CEBPZ: variants seen among roughly 807,000 people sequenced by gnomAD.
CEBPZ encodes the protein CCAAT/enhancer-binding protein zeta.
In CEBPZ, 78 loss-of-function variants were observed where a neutral mutation model predicts 104.5. That is an observed-to-expected ratio of 0.75 (90% CI 0.62 to 0.90). CEBPZ has a LOEUF of 0.90. Among genes scored for constraint, CEBPZ ranks in the 40% least tolerant of loss-of-function variants. The pLI is 0.00. For missense variants in CEBPZ, 1,439 were observed against 1,233.5 expected, an observed-to-expected ratio of 1.17 and a Z score of -2.50; for synonymous variants, 470 against 427.0, an observed-to-expected ratio of 1.10 and a Z score of -1.24.
intron 1 of CEBPZ, 94 bp from the exon 2 acceptor site, chr2:37,229,130 C>A: frequency 8.8e-7 from 1 of 1,138,858 alleles, no homozygotes; most frequent in South Asian, 2.6e-5. Flanking sequence ...AAAATAATTT[C>A]GGAACTGGAA....
chr2:37,211,941 A>C lies in CEBPZ; in HGVS notation c.2702T>G (p.Val901Gly). The change falls in exon 12 of 16, where the codon GTT becomes GGT. Residue 901 changes from valine (V) to glycine (G), a missense_variant. Val to Gly is a moderately radical substitution (Grantham distance 109, BLOSUM62 -3). Coordinates refer to ENST00000234170, the MANE Select transcript of CEBPZ (RefSeq NM_005760.3). Reference protein sequence around the residue: ...DELGNLDDDEVSLGSMDDEEF... With the variant: ...DELGNLDDDEGSLGSMDDEEF... ...TTCATCATCCATACTTCCTAAAGAA[A>C]CTTCATCGTCATCCAGGTTACCAAG... 1 of 1,613,798 alleles carries C rather than the reference A, an allele frequency of 6.2e-7. No individual in the cohort carries two copies. Among genetic ancestry groups the C allele is most frequent in the Non-Finnish European group, 8.5e-7 (1 of 1,179,862 alleles).
intron 13 of CEBPZ, chr2:37,210,275 G>C (rs1677679143): frequency 6.6e-6 from 1 of 151,872 alleles, no homozygotes; most frequent in Non-Finnish European, 1.5e-5. Flanking sequence ...CCCACCACTG[G>C]GTACTACCCA....
At chr2:37,220,883 G>A (rs972163462) in intron 4 of CEBPZ, among the ~76,000 whole-genome samples, 1 of 152,140 alleles carries the variant, frequency 6.6e-6, no homozygotes, top group Non-Finnish European at 1.5e-5. Flanking sequence ...TGTAGTCCCA[G>A]CTATTCGGGA....
rs1261205786 is a variant in CEBPZ at position 37,211,808 on chromosome 2, GAC to G, written c.2800+33_2800+34del. On this transcript the variant is annotated intron_variant, in intron 12 of 15. Coordinates refer to ENST00000234170, the MANE Select transcript of CEBPZ (RefSeq NM_005760.3). ...AACTTAAGGCTAAGGAAGTGAGGAA[GAC>G]ACAGTTTATGTCTTATTTTAAAAAA... The G allele has an allele frequency of 2.0e-6, 3 of 1,471,376 alleles. No individual in the cohort carries two copies. The Admixed American group carries it at 6.7e-5, about 33-fold the overall frequency. 91.1% of individuals were successfully genotyped at this position (1,471,376 alleles called of 1,614,324 possible).
chr2:37,216,011 G>T, intron 8 of CEBPZ, 129 bp downstream of exon 8: 1 of 661,970 alleles, frequency 1.5e-6, no homozygotes, highest in Admixed American at 3.7e-5. Flanking sequence ...CTATTCTTGG[G>T]AAAAAAGATG....
chr2:37,222,868 A>G (rs545204825), intron 3 of CEBPZ, among the ~76,000 whole-genome samples: 2 of 152,308 alleles, frequency 1.3e-5, no homozygotes, highest in South Asian at 4.1e-4. Context: ...GGTAGGTACT[A>G]TTATTTCCAT....
intron 10 of CEBPZ, among the ~76,000 whole-genome samples, chr2:37,213,044 C>T (rs1165492849): frequency 6.6e-6 from 1 of 151,704 alleles, no homozygotes; most frequent in Non-Finnish European, 1.5e-5. Flanking sequence ...GAGCCTGTCT[C>T]AAAACAAACA....
rs1044004144 is a variant in CEBPZ at position 37,227,915 on chromosome 2, C to A, written c.1278G>T (p.Arg426Ser). The stretch of plus-strand genomic sequence containing the variant: ...AGCTGATATTTGAGCGGAAGAGTAG[C>A]CTTTCTACTTCACCAGACACAACTC... ...MKGVVSGEVE[R>S]LLFRSNISSK... The change falls in exon 2 of 16, where the codon AGG (arginine) becomes AGT (serine). Residue 426 changes from arginine (R) to serine (S), a missense_variant. Physicochemically the swap from Arg to Ser is moderately radical, Grantham distance 110. Transcript: ENST00000234170. 3.7e-6 allele frequency: 6 copies of A among 1,614,142 alleles called. No individual in the cohort carries two copies. The highest frequency in any genetic ancestry group is 5.1e-6 in the Non-Finnish European group (6 of 1,180,030).
rs1572484805 is a variant in CEBPZ, at chr2:37,201,786, T to C, written c.3143A>G (p.Lys1048Arg). The C allele has an allele frequency of 7.3e-7, 1 of 1,365,118 alleles. No individual in the cohort carries two copies. Among genetic ancestry groups the C allele is most frequent in the Admixed American group, 1.8e-5 (1 of 56,960 alleles). The allele number at this position is 1,365,118 out of a possible 1,614,324, so 84.6% of individuals were successfully genotyped here. The change falls in exon 16 of 16, where the codon AAA becomes AGA. Residue 1048 changes from lysine (K) to arginine (R), a missense_variant. Lys to Arg is a conservative substitution (Grantham distance 26). Transcript: ENST00000234170. ...AACTCATTTCCTTTGTTTTTTAGTT[T>C]TTTGAGTGGTTTTAATCCTCTTCTT... ...FKKKRIKTTQ[K>R]TKKQRK
At chr2:37,231,289 A>C in intron 1 of CEBPZ, 123 bp downstream of exon 1, 1 of 1,322,258 alleles carries the variant, frequency 7.6e-7, no homozygotes, top group South Asian at 1.2e-5. Flanking sequence ...CATGCTTCAG[A>C]GGCTGGGATC....
rs1319908912 is a variant in CEBPZ at position 37,229,599 on chromosome 2, T to C, written c.157-563A>G. 2.6e-5 allele frequency among the ~76,000 whole-genome samples: 4 copies of C among 152,222 alleles called. No individual in the cohort carries two copies. The East Asian group carries it at 7.7e-4, about 29-fold the overall frequency. Reference sequence around the variant, plus strand: ...GCGGAAACGGCACTTTCATACATGGTTGATGTGAGTGTAAACTGACACAAC... The same window carrying C: ...GCGGAAACGGCACTTTCATACATGGCTGATGTGAGTGTAAACTGACACAAC... On this transcript the variant is annotated intron_variant, in intron 1 of 15. Coordinates refer to ENST00000234170, the MANE Select transcript of CEBPZ (RefSeq NM_005760.3).
intron 13 of CEBPZ, 25 bp from the exon 14 acceptor site, chr2:37,203,033 T>A: frequency 7.1e-7 from 1 of 1,415,942 alleles, no homozygotes; most frequent in Non-Finnish European, 9.6e-7. Flanking sequence ...AAGTCTACAT[T>A]ATTCAATTAT....
At position 37,228,947 on chromosome 2, in the gene CEBPZ, A is replaced by T. The variant is rs756637356; in HGVS notation, c.246T>A (p.Gly82=). 1.9e-6 allele frequency: 3 copies of T among 1,610,728 alleles called. No homozygotes were observed. In the African/African-American group the frequency reaches 4.0e-5, roughly 22 times the overall value. ...GATTTTGAATAAATGCTTCCAATTC[A>T]CCTTGCTGAAGGTCATCGATTGCTC... ...KKGAIDDLQQ[G]ELEAFIQNLN... Residue 82 remains glycine, a synonymous_variant, in exon 2 of 16, where the codon GGT becomes GGA. Transcript: ENST00000234170.
intron 13 of CEBPZ, chr2:37,204,109 C>T (rs1378679428): frequency 6.6e-6 from 1 of 152,036 alleles, no homozygotes; most frequent in Non-Finnish European, 1.5e-5. Context: ...TACACATTTG[C>T]ATGCATTAGG....
rs1666572751 is a variant in CEBPZ, at chr2:37,231,523, A to G, written c.45T>C (p.Pro15=). 1.2e-6 allele frequency: 2 copies of G among 1,614,206 alleles called. No homozygotes were observed. The highest frequency in any genetic ancestry group is 1.7e-6 in the Non-Finnish European group (2 of 1,180,034). The change falls in exon 1 of 16, where the codon CCT becomes CCC. Residue 15 remains proline (P), a synonymous_variant. Coordinates refer to ENST00000234170, the MANE Select transcript of CEBPZ (RefSeq NM_005760.3). ...CTTCTACTGCCTCCTCGGGGCGCCA[A>G]GGCCGCTTGGCATGGAACTCCAAAG... ...KEPLEFHAKR[P]WRPEEAVEDP...
At position 37,228,234 on chromosome 2, in the gene CEBPZ, C is replaced by A; in HGVS notation, c.959G>T (p.Ser320Ile). 6.2e-7 allele frequency: 1 copy of A among 1,614,230 alleles called. No individual in the cohort carries two copies. The highest frequency in any genetic ancestry group is 8.5e-7 in the Non-Finnish European group (1 of 1,180,022). The stretch of plus-strand genomic sequence containing the variant: ...TCTATCTCTTGAGTCCTTGTTGCCA[C>A]TGGACAACTGTTCCAGTTTGTCAAA... ...RPFDKLEQLSSGNKDSRDRRL... is the reference protein window; with the variant it reads ...RPFDKLEQLSIGNKDSRDRRL... Residue 320 changes from serine to isoleucine, a missense_variant, in exon 2 of 16, where the codon AGT becomes ATT. Transcript: ENST00000234170.
At chr2:37,208,804 AAGAG>A (rs1275862863) in intron 13 of CEBPZ, 1 of 152,152 alleles carries the variant, frequency 6.6e-6, no homozygotes, top group Non-Finnish European at 1.5e-5. Flanking sequence ...GCAACTGGAC[AAGAG>A]AAAGAAAGGG....
At chr2:37,203,561 A>G (rs1677389373) in intron 13 of CEBPZ, 1 of 152,252 alleles carries the variant, frequency 6.6e-6, no homozygotes, top group Admixed American at 6.5e-5. Context: ...GCAGTAGTAG[A>G]GCCATATTTT....
intron 13 of CEBPZ, chr2:37,204,143 T>C (rs1334993000): frequency 6.6e-6 from 1 of 152,176 alleles, no homozygotes; most frequent in Non-Finnish European, 1.5e-5. Context: ...GTTTTATTCA[T>C]CCTGTAGTGA....
Sources: allele counts gnomAD v4.1 joint callset (sites outside exome capture counted in the v4.1 genomes callset), GRCh38; gene constraint gnomAD v4.1.1; transcripts MANE v1.5; gene names NCBI Gene and HGNC (gene_info 2026-07-23, HGNC 2026-07-21).